The following NTPCR variants were observed in gnomAD, a reference collection of about 807,000 sequenced individuals.
NTPCR encodes the protein nucleoside-triphosphatase, cancer-related, also known as cancer-related nucleoside-triphosphatase.
Under a neutral mutation model 19.5 loss-of-function variants are expected in NTPCR, and 15 were observed. That is an observed-to-expected ratio of 0.77 (90% CI 0.51 to 1.18). NTPCR has a LOEUF of 1.18. Ranked by LOEUF, NTPCR falls within the 50% of genes most tolerant of loss-of-function variation. The probability of loss-of-function intolerance (pLI) is 0.00; values close to 1 mark genes in which losing one functional copy is unlikely to be tolerated. For missense variants in NTPCR, 206 were observed against 240.4 expected, an observed-to-expected ratio of 0.86 and a Z score of 0.95; for synonymous variants, 90 against 95.8, an observed-to-expected ratio of 0.94 and a Z score of 0.36.
At chr1:232,955,516 A>G (rs1458321581) in intron 1 of NTPCR, 41 bp from the exon 2 acceptor site, 1 of 1,473,744 alleles carries the variant, frequency 6.8e-7, no homozygotes, top group Non-Finnish European at 9.0e-7. Context: ...AATGTTTCCT[A>G]ATGGGCTTTT....
chr1:232,951,922 C>G (rs899707981), intron 1 of NTPCR, among the ~76,000 whole-genome samples: 3 of 152,126 alleles, frequency 2.0e-5, no homozygotes, highest in African/African-American at 7.2e-5. Flanking sequence ...AGGCTGACCC[C>G]AAGACAACTG....
chr1:232,956,319 A>G (rs756579900), intron 2 of NTPCR, 28 bp from the exon 3 acceptor site: 9 of 1,556,942 alleles, frequency 5.8e-6, no homozygotes, highest in East Asian at 2.2e-5. Flanking sequence ...GAGTTTTTCA[A>G]CAAAGAACAT....
At chr1:232,972,122 C>T (rs747629585) in intron 4 of NTPCR, among the ~76,000 whole-genome samples, 15 of 152,246 alleles carry the variant, frequency 9.9e-5, no homozygotes, top group Non-Finnish European at 1.8e-4. Flanking sequence ...ACATTTCTTC[C>T]GCTCTCTGAG....
chr1:232,966,695 C>CT (rs1459968179), intron 3 of NTPCR: 2 of 152,162 alleles, frequency 1.3e-5, no homozygotes, highest in Non-Finnish European at 1.5e-5. Flanking sequence ...TTTTAGGACT[C>CT]TATCTAAGGA....
rs1287557344 is a variant in NTPCR, at chr1:232,983,114, G to A, written c.*4883G>A. The A allele has an allele frequency of 6.6e-6, 1 of 151,948 alleles. No individual in the cohort carries two copies. The highest frequency in any genetic ancestry group is 1.9e-4 in the East Asian group (1 of 5,188). 9.4% of individuals were successfully genotyped at this position (151,948 alleles called of 1,614,324 possible). A position where few individuals can be genotyped will look rare whatever the true frequency, so the allele number is the denominator to read the frequency against. Reference sequence around the variant, plus strand: ...AGCATTACCATTTACTTTCCAAGGGGCAAGAGATTCTCTACAATACCCTTC... The same window carrying A: ...AGCATTACCATTTACTTTCCAAGGGACAAGAGATTCTCTACAATACCCTTC... On this transcript the variant is annotated 3_prime_UTR_variant, in exon 5 of 5. Transcript: ENST00000366628.
At position 232,983,447 on chromosome 1, in the gene NTPCR, T is replaced by C. The variant is rs1348353418; in HGVS notation, c.*5216T>C. ...CTGGACGCAGCAATAACTATAAACA[T>C]TTTAATTTCAAAAACAAAGGTGTGT... On this transcript the variant is annotated 3_prime_UTR_variant, in exon 5 of 5. Transcript: ENST00000366628. 1 of 152,240 alleles carries C rather than the reference T, an allele frequency of 6.6e-6. No homozygotes were observed. Among genetic ancestry groups the C allele is most frequent in the Non-Finnish European group, 1.5e-5 (1 of 68,048 alleles). The allele number at this position is 152,240 out of a possible 1,614,324, so 9.4% of individuals were successfully genotyped here.
At chr1:232,958,180 A>T (rs1558127164) in intron 3 of NTPCR, among the ~76,000 whole-genome samples, 1 of 152,332 alleles carries the variant, frequency 6.6e-6, no homozygotes, top group South Asian at 2.1e-4. Context: ...CCTGTCTCAA[A>T]AACCAACTAT....
chr1:232,977,829 C>G (rs1158691264), intron 4 of NTPCR, among the ~76,000 whole-genome samples: 1 of 152,190 alleles, frequency 6.6e-6, no homozygotes, highest in African/African-American at 2.4e-5. Context: ...CCATTCAGGA[C>G]AGGTCGTGCT....
At position 232,972,657 on chromosome 1, in the gene NTPCR, G is replaced by A. The variant is rs187367175; in HGVS notation, c.504+2539G>A. 3.1e-3 allele frequency among the ~76,000 whole-genome samples: 470 copies of A among 151,996 alleles called. 3 individuals are homozygous for A. The highest frequency in any genetic ancestry group is 0.01 in the Middle Eastern group (3 of 294). On this transcript the variant is annotated intron_variant, in intron 4 of 4. Coordinates refer to ENST00000366628, the MANE Select transcript of NTPCR (RefSeq NM_032324.3). The stretch of plus-strand genomic sequence containing the variant: ...CCCGGGGTTGATCTCGAATTGAAGA[G>A]CTGAAACAATCTGCCTGCCTCAGCC...
rs1055292278 is a variant in NTPCR, at chr1:232,980,416, C to T, written c.*2185C>T. 6.6e-6 allele frequency: 1 copy of T among 152,212 alleles called. No homozygotes were observed. Among genetic ancestry groups the T allele is most frequent in the African/African-American group, 2.4e-5 (1 of 41,452 alleles). 9.4% of individuals were successfully genotyped at this position (152,212 alleles called of 1,614,324 possible). A position where few individuals can be genotyped will look rare whatever the true frequency, so the allele number is the denominator to read the frequency against. ...CCAAAGTTCACTCTTTCATCACTCC[C>T]TGCTGCGTCCTTCTTGAGGCTTTAG... On this transcript the variant is annotated 3_prime_UTR_variant, in exon 5 of 5. Transcript: ENST00000366628.
In NTPCR at chr1:232,950,736, G is replaced by A. The variant is rs545375836; in HGVS notation, c.26G>A (p.Gly9Glu). MARHVFLT[G>E]PPGVGKTTLI... ...ATGGCCCGGCACGTGTTCCTAACGG[G>A]GCCCCCAGGTAACCCTGAGGGGATC... Residue 9 changes from glycine (G) to glutamate (E), a missense_variant, in exon 1 of 5, where the codon GGG becomes GAG. By Grantham distance (98) the Gly-to-Glu change is moderately conservative. Coordinates refer to ENST00000366628, the MANE Select transcript of NTPCR (RefSeq NM_032324.3). 2.4e-5 allele frequency: 39 copies of A among 1,602,136 alleles called. No homozygotes were observed. Among genetic ancestry groups the A allele is most frequent in the Non-Finnish European group, 2.9e-5 (34 of 1,173,848 alleles).
At position 232,950,710 on chromosome 1, in the gene NTPCR, T is replaced by C. The variant is rs13381; in HGVS notation, c.-1T>C. The C allele has an allele frequency of 0.23, 369,863 of 1,603,072 alleles. 43,722 individuals are homozygous for C. Among genetic ancestry groups the C allele is most frequent in the African/African-American group, 0.32 (23,910 of 74,328 alleles). On this transcript the variant is annotated 5_prime_UTR_variant, in exon 1 of 5. Transcript: ENST00000366628. ...CGCAACCCCTACCCCCGCCCACCAG[T>C]ATGGCCCGGCACGTGTTCCTAACGG...
intron 3 of NTPCR, among the ~76,000 whole-genome samples, chr1:232,959,951 C>T (rs934437298): frequency 6.6e-6 from 1 of 152,016 alleles, no homozygotes; most frequent in African/African-American, 2.4e-5. Flanking sequence ...CGGCTCATGT[C>T]TGTAACCCCA....
At chr1:232,963,108 C>G (rs558562099) in intron 3 of NTPCR, 3 of 152,322 alleles carry the variant, frequency 2.0e-5, no homozygotes, top group Admixed American at 2.0e-4. Context: ...TTCTGTTTCT[C>G]TACCTCATGT....
intron 3 of NTPCR, chr1:232,961,989 G>A (rs1668680039): frequency 6.6e-6 from 1 of 152,030 alleles, no homozygotes; most frequent in Non-Finnish European, 1.5e-5. Flanking sequence ...CATGGTAATC[G>A]TTTTTATTTT....
chr1:232,973,679 A>G (rs1023584273), intron 4 of NTPCR, among the ~76,000 whole-genome samples: 2 of 152,250 alleles, frequency 1.3e-5, no homozygotes, highest in Admixed American at 1.3e-4. Context: ...TACACATGAA[A>G]CAAATGAAAA....
chr1:232,977,057 C>T (rs1669144234), intron 4 of NTPCR: 1 of 152,814 alleles, frequency 6.5e-6, no homozygotes, highest in African/African-American at 2.4e-5. Context: ...GTATTGGCAC[C>T]TATTGTATGC....
At position 232,980,135 on chromosome 1, in the gene NTPCR, A is replaced by G. The variant is rs1198910647; in HGVS notation, c.*1904A>G. The G allele has an allele frequency of 1.3e-5, 2 of 152,214 alleles. No homozygotes were observed. Among genetic ancestry groups the G allele is most frequent in the African/African-American group, 4.8e-5 (2 of 41,456 alleles). 9.4% of individuals were successfully genotyped at this position (152,214 alleles called of 1,614,324 possible). A position where few individuals can be genotyped will look rare whatever the true frequency, so the allele number is the denominator to read the frequency against. On this transcript the variant is annotated 3_prime_UTR_variant, in exon 5 of 5. Transcript: ENST00000366628. ...AAAGAAAGCTGGTGAAGGTTATTTC[A>G]AAGTTAAATAGCTAGTCTGAGGGGC...
rs150667258 is a variant in NTPCR, at chr1:232,978,202, G to A, written c.544G>A (p.Val182Met). 5.0e-6 allele frequency: 8 copies of A among 1,614,154 alleles called. No homozygotes were observed. Among genetic ancestry groups the A allele is most frequent in the East Asian group, 2.2e-5 (1 of 44,888 alleles). ...CAGAAACCACCTTCTGCCAGATATC[G>A]TGACGTGCGTGCAGAGCAGCAGGAA... ...ENRNHLLPDI[V>M]TCVQSSRK is the part of the protein sequence containing the mutation. The change falls in exon 5 of 5, where the codon GTG becomes ATG. Residue 182 changes from valine to methionine, a missense_variant. Coordinates refer to ENST00000366628, the MANE Select transcript of NTPCR (RefSeq NM_032324.3).
Sources: gnomAD v4.1 joint callset for allele counts (sites outside exome capture counted in the v4.1 genomes callset) on GRCh38, gnomAD v4.1.1 for gene constraint, MANE v1.5 for transcripts, NCBI Gene and HGNC (gene_info 2026-07-23, HGNC 2026-07-21) for gene names.